PGM5: variants seen among roughly 807,000 people sequenced by gnomAD.
PGM5 encodes phosphoglucomutase 5.
A neutral mutation model predicts 59.2 loss-of-function variants in PGM5; 23 were observed. That is an observed-to-expected ratio of 0.39 (90% confidence interval 0.28 to 0.55). The LOEUF (loss-of-function observed/expected upper bound fraction) is 0.55. Ranked by LOEUF, PGM5 falls within the 20% of genes least tolerant of loss-of-function variation. The probability of loss-of-function intolerance (pLI) is 0.66; values close to 1 mark genes in which losing one functional copy is unlikely to be tolerated. For synonymous variants in PGM5, 214 were observed against 286.0 expected, an observed-to-expected ratio of 0.75 and a Z score of 2.54; for missense variants, 574 against 748.3, an observed-to-expected ratio of 0.77 and a Z score of 2.72.
intron 8 of PGM5, among the ~76,000 whole-genome samples, chr9:68,481,777 T>C (rs1009954803): frequency 1.7e-4 from 26 of 152,336 alleles, no homozygotes; most frequent in African/African-American, 6.0e-4. Context: ...CATTGAGTTA[T>C]GTTTCAGATT....
intron 1 of PGM5, among the ~76,000 whole-genome samples, chr9:68,369,772 T>C (rs1834749167): frequency 6.6e-6 from 1 of 152,198 alleles, no homozygotes. Flanking sequence ...CCAGCATGTG[T>C]GTAAAGACTT....
chr9:68,518,063 G>A (rs1433947629), intron 10 of PGM5, among the ~76,000 whole-genome samples: 1 of 152,226 alleles, frequency 6.6e-6, no homozygotes, highest in African/African-American at 2.4e-5. Flanking sequence ...CTAACCAGGA[G>A]ACTAACCAAA....
intron 6 of PGM5, among the ~76,000 whole-genome samples, chr9:68,416,787 T>C (rs958239301): frequency 2.0e-4 from 31 of 152,256 alleles, no homozygotes; most frequent in African/African-American, 7.5e-4. Flanking sequence ...CTGTTTGGTC[T>C]CTTTAAGCAG....
At chr9:68,417,584 A>G (rs1245156992) in intron 6 of PGM5, among the ~76,000 whole-genome samples, 3 of 152,180 alleles carry the variant, frequency 2.0e-5, no homozygotes, top group African/African-American at 7.2e-5. Context: ...ACCCCAAAGT[A>G]TATTGAGAAG....
intron 6 of PGM5, among the ~76,000 whole-genome samples, chr9:68,412,272 A>C (rs1554681661): frequency 6.6e-6 from 1 of 152,200 alleles, no homozygotes; most frequent in East Asian, 1.9e-4. Flanking sequence ...CCTTTATTTA[A>C]ATCTTCAACT....
chr9:68,411,326 A>C (rs1205663376), intron 6 of PGM5, among the ~76,000 whole-genome samples: 1 of 151,100 alleles, frequency 6.6e-6, no homozygotes, highest in Non-Finnish European at 1.5e-5. Context: ...GGAGTTCAAG[A>C]CCACCCTGGG....
Position 68,526,678 on chromosome 9 carries a change from G to A in PGM5, c.1615-2889G>A, listed in dbSNP as rs1002156686. ...GTCTTTGATTCCTTTATATTACAGC[G>A]GGAACTTAAGGACAATTGTGAAGCA... On this transcript the variant is annotated intron_variant, in intron 10 of 10. Transcript: ENST00000396396. Among the ~76,000 whole-genome samples, 4 of 151,928 alleles carry A rather than the reference G, an allele frequency of 2.6e-5. No homozygotes were observed. In the South Asian group the frequency reaches 6.2e-4, roughly 24 times the overall value.
intron 1 of PGM5, among the ~76,000 whole-genome samples, chr9:68,375,384 T>C (rs2131988292): frequency 6.6e-6 from 1 of 152,368 alleles, no homozygotes; most frequent in East Asian, 1.9e-4. Context: ...CTGCATATTC[T>C]GTTCATCCTC....
intron 3 of PGM5, among the ~76,000 whole-genome samples, chr9:68,385,129 A>G (rs1822183089): frequency 6.6e-6 from 1 of 151,948 alleles, no homozygotes; most frequent in African/African-American, 2.4e-5. Flanking sequence ...ATTATCTTAT[A>G]TTGTAAAGCA....
chr9:68,484,862 G>C (rs1337289057), intron 9 of PGM5, among the ~76,000 whole-genome samples: 2 of 152,134 alleles, frequency 1.3e-5, no homozygotes, highest in Non-Finnish European at 2.9e-5. Context: ...TTGAGCCCCC[G>C]TGCCCTGGAT....
intron 1 of PGM5, among the ~76,000 whole-genome samples, chr9:68,359,553 T>C (rs1834537441): frequency 6.6e-6 from 1 of 152,208 alleles, no homozygotes; most frequent in African/African-American, 2.4e-5. Context: ...CTAAAAGAAC[T>C]GGATAATTAT....
At position 68,465,324 on chromosome 9, in the gene PGM5, A is replaced by G. The variant is rs1823917541; in HGVS notation, c.1159+116A>G. 7.3e-6 allele frequency: 5 copies of G among 681,276 alleles called. No homozygotes were observed. The South Asian group carries it at 9.0e-5, about 12-fold the overall frequency. The allele number at this position is 681,276 out of a possible 1,614,324, so 42.2% of individuals were successfully genotyped here. A position where few individuals can be genotyped will look rare whatever the true frequency, so the allele number is the denominator to read the frequency against. On this transcript the variant is annotated intron_variant, in intron 7 of 10. Coordinates refer to ENST00000396396, the MANE Select transcript of PGM5 (RefSeq NM_021965.4). ...AGAGGAACAGTTAAGTAGAGGCAAAAAATCAGAGAAACCTAGTAGAGTATG... is the reference window on the plus strand; with the variant it reads ...AGAGGAACAGTTAAGTAGAGGCAAAGAATCAGAGAAACCTAGTAGAGTATG...
At chr9:68,407,436 A>G (rs1225752545) in intron 6 of PGM5, among the ~76,000 whole-genome samples, 4 of 152,110 alleles carry the variant, frequency 2.6e-5, no homozygotes, top group African/African-American at 9.7e-5. Flanking sequence ...CCCAGCCCCT[A>G]TTGCCTTTTG....
rs148247672 is a variant in PGM5 at position 68,359,691 on chromosome 9, T to C, written c.261+2303T>C. On this transcript the variant is annotated intron_variant, in intron 1 of 10. Transcript: ENST00000396396. Reference sequence around the variant, plus strand: ...GGCTTTGGTCTTTTTTGATATCCTATTGGATACTCATAAGCAGGCTAGAAA... The same window carrying C: ...GGCTTTGGTCTTTTTTGATATCCTACTGGATACTCATAAGCAGGCTAGAAA... 4.7e-3 allele frequency among the ~76,000 whole-genome samples: 720 copies of C among 152,348 alleles called. 6 individuals are homozygous for C. The highest frequency in any genetic ancestry group is 0.016 in the African/African-American group (678 of 41,580).
intron 6 of PGM5, among the ~76,000 whole-genome samples, chr9:68,451,828 C>T (rs545342897): frequency 2.0e-5 from 3 of 152,288 alleles, no homozygotes; most frequent in East Asian, 1.9e-4. Flanking sequence ...CATCCAGTTG[C>T]ATAGGATGTG....
At chr9:68,386,846 G>A (rs1292527721) in intron 3 of PGM5, among the ~76,000 whole-genome samples, 1 of 152,004 alleles carries the variant, frequency 6.6e-6, no homozygotes, top group African/African-American at 2.4e-5. Context: ...GCTAGATACT[G>A]GAAAGCATTT....
At chr9:68,440,329 T>A (rs941321339) in intron 6 of PGM5, among the ~76,000 whole-genome samples, 27 of 152,276 alleles carry the variant, frequency 1.8e-4, no homozygotes, top group African/African-American at 6.5e-4. Flanking sequence ...ACATCCTGGG[T>A]CATTAAAACA....
intron 6 of PGM5, among the ~76,000 whole-genome samples, chr9:68,436,333 G>A (rs1257776836): frequency 1.3e-5 from 2 of 152,176 alleles, no homozygotes; most frequent in South Asian, 2.1e-4. Context: ...AAGTAGGTAA[G>A]ACTTAGTGGG....
Position 68,376,811 on chromosome 9 carries a change from T to TTCTTTCTTTCTTTC in PGM5, c.262-1386_262-1373dup, listed in dbSNP as rs1563984719. Among the ~76,000 whole-genome samples the TTCTTTCTTTCTTTC allele has an allele frequency of 7.8e-3, 876 of 111,698 alleles. 8 individuals are homozygous for TTCTTTCTTTCTTTC. The highest frequency in any genetic ancestry group is 0.024 in the Middle Eastern group (6 of 250). The allele number at this position is 111,698 out of a possible 152,430, so 73.3% of individuals were successfully genotyped here. A position where few individuals can be genotyped will look rare whatever the true frequency, so the allele number is the denominator to read the frequency against. On this transcript the variant is annotated intron_variant, in intron 1 of 10. Transcript: ENST00000396396. Reference sequence around the variant, plus strand: ...TTTCTTTCTTTCTTTCTTTCTTTCTTTCTTTCTTTCTTTCTTTCTTTCTCT... The same window carrying TTCTTTCTTTCTTTC: ...TTTCTTTCTTTCTTTCTTTCTTTCTTTCTTTCTTTCTTTCTCTTTCTTTCTTTCTTTCTTTCTCT...
Sources: allele counts gnomAD v4.1 joint callset (sites outside exome capture counted in the v4.1 genomes callset), GRCh38; gene constraint gnomAD v4.1.1; transcripts MANE v1.5; gene names NCBI Gene and HGNC (gene_info 2026-07-23, HGNC 2026-07-21).